Variants in B3GLCT observed in about 807,000 individuals in gnomAD.
B3GLCT encodes the protein beta 3-glucosyltransferase, also known as beta-1,3-glucosyltransferase.
B3GLCT carries 65 observed loss-of-function variants against 63.4 expected under a neutral mutation model. The observed-to-expected ratio is 1.03, with a 90% CI of 0.84 to 1.26. B3GLCT has a LOEUF of 1.26. B3GLCT is among the 50% of genes most tolerant of loss of function. The pLI is 0.00. For synonymous variants in B3GLCT, 233 were observed against 219.2 expected, an observed-to-expected ratio of 1.06 and a Z score of -0.55; for missense variants, 577 against 604.8, an observed-to-expected ratio of 0.95 and a Z score of 0.48.
chr13:31,235,202 A>C lies in B3GLCT; in HGVS notation c.270+5908A>C, dbSNP rs180937852. On this transcript the variant is annotated intron_variant, in intron 4 of 14. Coordinates refer to ENST00000343307, the MANE Select transcript of B3GLCT (RefSeq NM_194318.4). ...AGATGAGGTGGGGCTGCTGAGTGAG[A>C]TTGAGGACAGGTTCTCAGGTTTAGA... is the stretch of plus-strand genomic sequence containing the variant. Among the ~76,000 whole-genome samples the C allele has an allele frequency of 1.1e-3, 162 of 152,188 alleles. 2 individuals are homozygous for C. The East Asian group carries it at 0.026, about 24-fold the overall frequency.
intron 6 of B3GLCT, among the ~76,000 whole-genome samples, chr13:31,254,762 C>T (rs926193510): frequency 1.1e-4 from 17 of 152,052 alleles, no homozygotes; most frequent in African/African-American, 4.1e-4. Flanking sequence ...TTTAGAAAAC[C>T]CCATAGTGGC....
At chr13:31,274,771 T>G in intron 9 of B3GLCT, 143 bp downstream of exon 9, 1 of 1,070,420 alleles carries the variant, frequency 9.3e-7, no homozygotes, top group South Asian at 1.4e-5. Flanking sequence ...TGTGTGATGC[T>G]AAGGTTTGGG....
intron 4 of B3GLCT, 77 bp from the exon 5 acceptor site, chr13:31,246,946 C>CTTTTCTTTTTTTTTTTTTTT: frequency 9.9e-7 from 1 of 1,011,086 alleles, no homozygotes; most frequent in Non-Finnish European, 1.4e-6. Flanking sequence ...CTTTTCTTTT[C>CTTTTCTTTTTTTTTTTTTTT]TTTTCTTTTT....
intron 12 of B3GLCT, among the ~76,000 whole-genome samples, chr13:31,306,645 G>A (rs1874414556): frequency 2.7e-5 from 1 of 37,142 alleles, no homozygotes; most frequent in Non-Finnish European, 6.3e-5. Context: ...ACCTCTTCAA[G>A]GAGAACTACA....
chr13:31,212,109 A>AT lies in B3GLCT; in HGVS notation c.71-2928dup, dbSNP rs564316331. 2.6e-3 allele frequency among the ~76,000 whole-genome samples: 370 copies of AT among 144,914 alleles called. 2 individuals are homozygous for AT. The highest frequency in any genetic ancestry group is 0.012 in the South Asian group (56 of 4,568). On this transcript the variant is annotated intron_variant, in intron 1 of 14. Transcript: ENST00000343307. ...TTAATTCGGGAGGGGTAGATGGAAA[A>AT]TTTTTTTTTTTTTTGAGACAGAGTC...
chr13:31,240,478 C>CT (rs56020130), intron 4 of B3GLCT, among the ~76,000 whole-genome samples: 86,064 of 138,670 alleles, frequency 0.62, 26,563 homozygotes, highest in Non-Finnish European at 0.69. Context: ...TTTTTTTTTT[C>CT]TTTTTTTTTT....
chr13:31,223,058 T>C lies in B3GLCT; in HGVS notation c.160+67T>C. ...ATATTTTGTATGAATTATATTTCCA[T>C]GAAGTGATTTTTTTCTGATTTTATT... On this transcript the variant is annotated intron_variant, in intron 3 of 14. Transcript: ENST00000343307. 4.7e-6 allele frequency: 5 copies of C among 1,065,550 alleles called. No homozygotes were observed. The South Asian group carries it at 5.2e-5, about 11-fold the overall frequency. 66.0% of individuals were successfully genotyped at this position (1,065,550 alleles called of 1,614,324 possible). A position where few individuals can be genotyped will look rare whatever the true frequency, so the allele number is the denominator to read the frequency against.
At chr13:31,317,502 TA>T in intron 12 of B3GLCT, 63 bp from the exon 13 acceptor site, 2 of 1,599,028 alleles carry the variant, frequency 1.3e-6, no homozygotes, top group Middle Eastern at 1.7e-4. Flanking sequence ...GTAAGAACCA[TA>T]AACTGTTCCA....
chr13:31,219,095 G>T (rs1167426088), intron 2 of B3GLCT, among the ~76,000 whole-genome samples: 6 of 152,088 alleles, frequency 3.9e-5, no homozygotes, highest in African/African-American at 1.4e-4. Flanking sequence ...AACTCATTCT[G>T]TGAGGCCAGT....
chr13:31,206,095 G>A (rs555815780), intron 1 of B3GLCT, among the ~76,000 whole-genome samples: 2 of 152,272 alleles, frequency 1.3e-5, no homozygotes, highest in South Asian at 4.2e-4. Context: ...GGATATGGAG[G>A]AGCTTGTTTT....
At chr13:31,315,515 C>A (rs1294599481) in intron 12 of B3GLCT, among the ~76,000 whole-genome samples, 1 of 152,098 alleles carries the variant, frequency 6.6e-6, no homozygotes, top group African/African-American at 2.4e-5. Flanking sequence ...CATGAGGTGA[C>A]CTGGCTTATT....
chr13:31,251,637 A>G (rs1251071903), intron 6 of B3GLCT, among the ~76,000 whole-genome samples: 2 of 152,194 alleles, frequency 1.3e-5, no homozygotes, highest in Admixed American at 6.5e-5. Context: ...GATCAACTCA[A>G]TGAAATAAAG....
chr13:31,229,437 GTATT>G, intron 4 of B3GLCT, 143 bp downstream of exon 4: 1 of 697,932 alleles, frequency 1.4e-6, no homozygotes, highest in Non-Finnish European at 2.6e-6. Flanking sequence ...TTAATATTGA[GTATT>G]TGTTGTTGAA....
At chr13:31,319,115 C>T (rs1176321047) in intron 13 of B3GLCT, among the ~76,000 whole-genome samples, 1 of 152,186 alleles carries the variant, frequency 6.6e-6, no homozygotes, top group Non-Finnish European at 1.5e-5. Flanking sequence ...CCCACAGGAC[C>T]TCACAGGCCA....
intron 3 of B3GLCT, among the ~76,000 whole-genome samples, chr13:31,227,996 G>A (rs188094247): frequency 2.6e-5 from 4 of 152,352 alleles, no homozygotes; most frequent in Non-Finnish European, 4.4e-5. Context: ...GAGGCCTAAC[G>A]TGTTTCTCTG....
At chr13:31,238,188 C>G (rs916588029) in intron 4 of B3GLCT, among the ~76,000 whole-genome samples, 39 of 152,178 alleles carry the variant, frequency 2.6e-4, no homozygotes, top group African/African-American at 8.7e-4. Context: ...AAGTCATTAC[C>G]TATGCCTGTT....
At chr13:31,301,074 TCTCA>T (rs1174558988) in intron 12 of B3GLCT, among the ~76,000 whole-genome samples, 1 of 152,218 alleles carries the variant, frequency 6.6e-6, no homozygotes, top group Non-Finnish European at 1.5e-5. Context: ...GCTAAATTTC[TCTCA>T]CTGTCATAAT....
At chr13:31,200,181 A>C in intron 1 of B3GLCT, 27 bp downstream of exon 1, 1 of 1,272,926 alleles carries the variant, frequency 7.9e-7, no homozygotes, top group East Asian at 3.9e-5. Flanking sequence ...CAGGCGCGCA[A>C]GGGCGAGGCG....
At chr13:31,261,112 G>T (rs1245310525) in intron 7 of B3GLCT, 30 bp downstream of exon 7, 2 of 1,594,466 alleles carry the variant, frequency 1.3e-6, no homozygotes, top group African/African-American at 1.4e-5. Flanking sequence ...TTTTCGGGGG[G>T]CGGGAGGGGT....
Sources: gnomAD v4.1 joint callset for allele counts (sites outside exome capture counted in the v4.1 genomes callset) on GRCh38, gnomAD v4.1.1 for gene constraint, MANE v1.5 for transcripts, NCBI Gene and HGNC (gene_info 2026-07-23, HGNC 2026-07-21) for gene names.